ZNF366: variants seen among roughly 807,000 people sequenced by gnomAD.
The protein encoded by ZNF366 is zinc finger protein 366.
A neutral mutation model predicts 47.2 loss-of-function variants in ZNF366; 20 were observed. The ratio of observed to expected loss-of-function variants is 0.42; its 90% confidence interval spans 0.30 to 0.62. ZNF366 has a LOEUF of 0.62. Ranked by LOEUF, ZNF366 falls within the 20% of genes least tolerant of loss-of-function variation. The pLI is 0.16. For missense variants in ZNF366, 987 were observed against 976.3 expected (o/e 1.01, Z -0.15); for synonymous variants, 421 against 395.1 (o/e 1.07, Z -0.78).
chr5:72,489,118 G>A (rs1229544385), intron 1 of ZNF366, among the ~76,000 whole-genome samples: 1 of 152,088 alleles, frequency 6.6e-6, no homozygotes, highest in Non-Finnish European at 1.5e-5. Flanking sequence ...GCTCATGCCT[G>A]TAATCCCAGC....
At position 72,443,007 on chromosome 5, in the gene ZNF366, T is replaced by C. The variant is rs936432934; in HGVS notation, c.*749A>G. The C allele has an allele frequency of 6.6e-6, 1 of 152,268 alleles. No individual in the cohort carries two copies. The highest frequency in any genetic ancestry group is 1.5e-5 in the Non-Finnish European group (1 of 68,094). 9.4% of individuals were successfully genotyped at this position (152,268 alleles called of 1,614,324 possible). Reference sequence around the variant, plus strand: ...ATGAGGCCTCAGAGCAAGACAGCAATGGTCTCCAGGAGGGAGCCGTGCTCG... The same window carrying C: ...ATGAGGCCTCAGAGCAAGACAGCAACGGTCTCCAGGAGGGAGCCGTGCTCG... On this transcript the variant is annotated 3_prime_UTR_variant, in exon 5 of 5. Transcript: ENST00000318442.
At chr5:72,497,118 T>C (rs1242008611) in intron 1 of ZNF366, among the ~76,000 whole-genome samples, 3 of 152,180 alleles carry the variant, frequency 2.0e-5, no homozygotes, top group Admixed American at 6.5e-5. Flanking sequence ...GGTATCTTTT[T>C]CTTGAAGAGC....
intron 1 of ZNF366, among the ~76,000 whole-genome samples, chr5:72,475,896 T>C (rs990412735): frequency 6.6e-6 from 1 of 152,100 alleles, no homozygotes; most frequent in Admixed American, 6.5e-5. Context: ...CATGCCGTCA[T>C]GAACAAGGAG....
intron 1 of ZNF366, among the ~76,000 whole-genome samples, chr5:72,504,756 C>T (rs1744288162): frequency 6.6e-6 from 1 of 152,000 alleles, no homozygotes; most frequent in African/African-American, 2.4e-5. Flanking sequence ...ATATATGACC[C>T]TTAAAAAATA....
At position 72,455,970 on chromosome 5, in the gene ZNF366, G is replaced by T. The variant is rs374968275; in HGVS notation, c.1524+434C>A. 8.3e-4 allele frequency among the ~76,000 whole-genome samples: 127 copies of T among 152,148 alleles called. 5 individuals are homozygous for T. In the South Asian group the frequency reaches 0.025, roughly 29 times the overall value. On this transcript the variant is annotated intron_variant, in intron 3 of 4. Transcript: ENST00000318442. ...GAGAGGAGAGGAGGTGGCGGTGGGT[G>T]GGGGGGAAGCTGTGCTAGAAGCTTC...
intron 1 of ZNF366, among the ~76,000 whole-genome samples, chr5:72,466,786 G>A (rs1463294640): frequency 6.6e-6 from 1 of 152,182 alleles, no homozygotes; most frequent in African/African-American, 2.4e-5. Context: ...AAGTTATTAG[G>A]TAGTTATGAA....
chr5:72,502,593 C>G (rs1224370436), intron 1 of ZNF366, among the ~76,000 whole-genome samples: 2 of 152,144 alleles, frequency 1.3e-5, no homozygotes, highest in African/African-American at 4.8e-5. Context: ...ATTTTTCAAA[C>G]ACCATTATCA....
intron 1 of ZNF366, among the ~76,000 whole-genome samples, chr5:72,471,774 A>T (rs549719970): frequency 6.6e-6 from 1 of 152,320 alleles, no homozygotes; most frequent in South Asian, 2.1e-4. Context: ...TAGACTTGGG[A>T]TTCCCTTCCT....
chr5:72,484,489 A>T (rs1047552100), intron 1 of ZNF366, among the ~76,000 whole-genome samples: 14 of 148,272 alleles, frequency 9.4e-5, no homozygotes, highest in African/African-American at 3.5e-4. Flanking sequence ...GTCTCAAAAA[A>T]AAAAAAAATA....
chr5:72,491,944 C>T (rs944420767), intron 1 of ZNF366, among the ~76,000 whole-genome samples: 2 of 152,166 alleles, frequency 1.3e-5, no homozygotes, highest in Non-Finnish European at 1.5e-5. Flanking sequence ...GGCCAAAACC[C>T]CTGGGATGGT....
chr5:72,491,048 G>A (rs574033730), intron 1 of ZNF366, among the ~76,000 whole-genome samples: 2 of 152,260 alleles, frequency 1.3e-5, no homozygotes, highest in Admixed American at 1.3e-4. Flanking sequence ...AAAAGTCACT[G>A]GATTTAATGG....
At chr5:72,454,714 A>T (rs1357377819) in intron 3 of ZNF366, among the ~76,000 whole-genome samples, 1 of 152,240 alleles carries the variant, frequency 6.6e-6, no homozygotes, top group African/African-American at 2.4e-5. Flanking sequence ...AACACAAGGA[A>T]TGAAGAATGG....
At chr5:72,447,457 G>T (rs368807400) in intron 3 of ZNF366, 40 bp from the exon 4 acceptor site, 13 of 1,608,372 alleles carry the variant, frequency 8.1e-6, no homozygotes, top group Non-Finnish European at 1.0e-5. Context: ...TACTCTGCCC[G>T]AGTGAAGCCC....
At chr5:72,487,754 T>C (rs1297843093) in intron 1 of ZNF366, among the ~76,000 whole-genome samples, 1 of 152,228 alleles carries the variant, frequency 6.6e-6, no homozygotes, top group African/African-American at 2.4e-5. Context: ...AGTTAGTGTA[T>C]CTTTTGGCCT....
In ZNF366 at chr5:72,461,407, C is replaced by G; in HGVS notation, c.90G>C (p.Gln30His). The change falls in exon 2 of 5, where the codon CAG becomes CAC. Residue 30 changes from glutamine (Q) to histidine (H), a missense_variant. This residue lies in a region of ZNF366 where 591 missense variants were observed against 560.9 expected (regional missense o/e 1.05). Coordinates refer to ENST00000318442, the MANE Select transcript of ZNF366 (RefSeq NM_152625.3). ...KKTPSFPHCLQPVASRGKAPQ... is the reference protein window; with the variant it reads ...KKTPSFPHCLHPVASRGKAPQ... Reference sequence around the variant, plus strand: ...GAGCCTTTCCCCGAGAAGCCACTGGCTGCAGGCAGTGGGGAAAGGAGGGGG... The same window carrying G: ...GAGCCTTTCCCCGAGAAGCCACTGGGTGCAGGCAGTGGGGAAAGGAGGGGG... The G allele has an allele frequency of 1.2e-6, 2 of 1,613,148 alleles. No homozygotes were observed. Among genetic ancestry groups the G allele is most frequent in the Non-Finnish European group, 8.5e-7 (1 of 1,179,250 alleles).
intron 1 of ZNF366, among the ~76,000 whole-genome samples, chr5:72,478,992 C>A (rs1407802209): frequency 1.3e-5 from 2 of 152,212 alleles, no homozygotes; most frequent in African/African-American, 4.8e-5. Context: ...CCCTGTTTTC[C>A]TCCAAGAGAT....
intron 1 of ZNF366, among the ~76,000 whole-genome samples, chr5:72,497,836 G>A (rs1314186695): frequency 6.6e-6 from 1 of 152,050 alleles, no homozygotes; most frequent in South Asian, 2.1e-4. Flanking sequence ...GTTTTAATTT[G>A]CTGCTTCTTA....
intron 1 of ZNF366, among the ~76,000 whole-genome samples, chr5:72,486,785 CT>C (rs551495440): frequency 1.3e-3 from 183 of 145,696 alleles, no homozygotes; most frequent in Middle Eastern, 3.5e-3. Context: ...TTTTCCTTTT[CT>C]TTTTTTTTTT....
rs756466855 is a variant in ZNF366, at chr5:72,443,787, A to T, written c.2204T>A (p.Met735Lys). 10 of 1,613,272 alleles carry T rather than the reference A, an allele frequency of 6.2e-6. No homozygotes were observed. The Admixed American group carries it at 1.0e-4, about 16-fold the overall frequency. Residue 735 changes from methionine (M) to lysine (K), a missense_variant, in exon 5 of 5, where the codon ATG (methionine) becomes AAG (lysine). Met to Lys is a moderately conservative substitution (Grantham distance 95, BLOSUM62 -1). Coordinates refer to ENST00000318442, the MANE Select transcript of ZNF366 (RefSeq NM_152625.3). ...ESLKELLERK[M>K]EKQAVLLGI is the part of the protein sequence containing the mutation. ...ACCTAAAAGCACTGCTTGTTTTTCC[A>T]TTTTCCTCTCCAGTAATTCTTTCAA... is the stretch of plus-strand genomic sequence containing the variant.
Sources: allele counts gnomAD v4.1 joint callset (sites outside exome capture counted in the v4.1 genomes callset), GRCh38; gene constraint gnomAD v4.1.1; regional missense constraint gnomAD v4.1.1; transcripts MANE v1.5; gene names NCBI Gene and HGNC (gene_info 2026-07-23, HGNC 2026-07-21).